Variants in TANC2 observed in about 807,000 individuals in gnomAD.
TANC2 encodes protein TANC2.
Under a neutral mutation model 210.5 loss-of-function variants are expected in TANC2, and 26 were observed. That is an observed-to-expected ratio of 0.12 (90% CI 0.09 to 0.17). TANC2 has a LOEUF of 0.17. Among genes scored for constraint, TANC2 ranks in the 10% least tolerant of loss-of-function variants. The pLI is 1.00. For missense variants in TANC2, 2,129 were observed against 2,608.9 expected, an observed-to-expected ratio of 0.82 and a Z score of 4.01; for synonymous variants, 931 against 967.1, an observed-to-expected ratio of 0.96 and a Z score of 0.69.
intron 9 of TANC2, among the ~76,000 whole-genome samples, chr17:63,277,538 A>C (rs1050799347): frequency 6.6e-6 from 1 of 151,994 alleles, no homozygotes; most frequent in African/African-American, 2.4e-5. Flanking sequence ...CATTGCCAGC[A>C]TCCTTGTTCA....
intron 1 of TANC2, among the ~76,000 whole-genome samples, chr17:63,000,940 GAAGT>G (rs1208482582): frequency 7.5e-6 from 1 of 132,672 alleles, no homozygotes. Context: ...TCTATATATT[GAAGT>G]AATTAAAAAA....
chr17:63,084,368 T>G (rs2036883205), intron 3 of TANC2, among the ~76,000 whole-genome samples: 1 of 151,904 alleles, frequency 6.6e-6, no homozygotes, highest in Non-Finnish European at 1.5e-5. Flanking sequence ...TGTCTCTTTC[T>G]CTCTCTCTCT....
At chr17:62,970,724 A>G (rs1472475300) in intron 1 of TANC2, among the ~76,000 whole-genome samples, 1 of 152,170 alleles carries the variant, frequency 6.6e-6, no homozygotes, top group Non-Finnish European at 1.5e-5. Context: ...TTAAAATGAG[A>G]TCTGAGACAC....
exon 19 of TANC2, chr17:63,398,828 C>G (rs1160961847): frequency 1.9e-6 from 3 of 1,582,114 alleles, no homozygotes; most frequent in South Asian, 2.3e-5. Context: ...CAGATTGTCT[C>G]CTACCTACTT....
intron 10 of TANC2, among the ~76,000 whole-genome samples, chr17:63,315,461 A>G (rs181482007): frequency 1.3e-5 from 2 of 152,184 alleles, no homozygotes; most frequent in African/African-American, 4.8e-5. Flanking sequence ...CCATTTTACT[A>G]TGCTGCCTCT....
intron 5 of TANC2, among the ~76,000 whole-genome samples, chr17:63,179,694 C>CT (rs2040712510): frequency 1.3e-5 from 2 of 152,200 alleles, no homozygotes; most frequent in East Asian, 3.9e-4. Context: ...TCCCTCTGCT[C>CT]TTTTTCCCTG....
chr17:62,977,764 A>T (rs1426646106), intron 1 of TANC2, among the ~76,000 whole-genome samples: 1 of 152,106 alleles, frequency 6.6e-6, no homozygotes, highest in Non-Finnish European at 1.5e-5. Context: ...CAATAAAGAA[A>T]AAGTTGATAT....
chr17:63,200,193 TA>T (rs1261478267), intron 6 of TANC2, among the ~76,000 whole-genome samples: 1 of 151,732 alleles, frequency 6.6e-6, no homozygotes, highest in Non-Finnish European at 1.5e-5. Context: ...CCATCTCTAC[TA>T]AAAATACAAA....
chr17:63,187,322 G>A (rs771752746), intron 5 of TANC2, among the ~76,000 whole-genome samples: 2 of 152,148 alleles, frequency 1.3e-5, no homozygotes, highest in Non-Finnish European at 2.9e-5. Context: ...TTCGTTATTT[G>A]TAAAGTATGG....
At chr17:63,155,392 A>G (rs1041102377) in intron 5 of TANC2, among the ~76,000 whole-genome samples, 5 of 152,220 alleles carry the variant, frequency 3.3e-5, no homozygotes, top group South Asian at 2.1e-4. Flanking sequence ...AATTTCTACA[A>G]TGAACTTCTG....
intron 9 of TANC2, among the ~76,000 whole-genome samples, chr17:63,306,690 C>A (rs965341046): frequency 6.6e-6 from 1 of 152,192 alleles, no homozygotes; most frequent in Non-Finnish European, 1.5e-5. Flanking sequence ...CATGGTGGCT[C>A]ACGCATGTAA....
At chr17:63,182,168 G>A (rs1358406230) in intron 5 of TANC2, 1 of 154,484 alleles carries the variant, frequency 6.5e-6, no homozygotes, top group African/African-American at 2.4e-5. Context: ...GTTGAAACTT[G>A]GTAGAATACT....
intron 1 of TANC2, among the ~76,000 whole-genome samples, chr17:62,988,215 C>T (rs1405770772): frequency 1.3e-5 from 2 of 151,962 alleles, no homozygotes; most frequent in African/African-American, 4.8e-5. Flanking sequence ...GCAACCTCTG[C>T]CTCCTAGGTT....
Position 63,124,715 on chromosome 17 carries a change from G to A in TANC2, c.322+25358G>A, listed in dbSNP as rs541394339. 5.3e-5 allele frequency among the ~76,000 whole-genome samples: 8 copies of A among 152,282 alleles called. No homozygotes were observed. In the South Asian group the frequency reaches 1.0e-3, roughly 20 times the overall value. On this transcript the variant is annotated intron_variant, in intron 4 of 27. Coordinates refer to ENST00000689528, the Ensembl canonical transcript of TANC2. The stretch of plus-strand genomic sequence containing the variant: ...GTCCGTGGCCTATTAGGAACTGGGC[G>A]GCACAGCAGGATGTGAGCCTGCAGG...
chr17:63,100,751 A>G (rs904174345), intron 4 of TANC2, among the ~76,000 whole-genome samples: 1 of 152,144 alleles, frequency 6.6e-6, no homozygotes, highest in African/African-American at 2.4e-5. Flanking sequence ...TTCCTATCCC[A>G]TTTGCCTATC....
chr17:63,167,884 C>CAAA (rs760465295), intron 5 of TANC2, among the ~76,000 whole-genome samples: 295 of 63,586 alleles, frequency 4.6e-3, no homozygotes, highest in South Asian at 5.4e-3. Flanking sequence ...GACTCTGTCT[C>CAAA]AAAAAAAAAA....
chr17:63,170,154 A>C (rs1332311845), intron 5 of TANC2, among the ~76,000 whole-genome samples: 1 of 122,614 alleles, frequency 8.2e-6, no homozygotes, highest in Non-Finnish European at 1.7e-5. Context: ...TTGGCGGGGC[A>C]TGGTGGCTCA....
At chr17:63,023,334 A>G (rs1308295246) in intron 2 of TANC2, among the ~76,000 whole-genome samples, 1 of 152,182 alleles carries the variant, frequency 6.6e-6, no homozygotes, top group Non-Finnish European at 1.5e-5. Context: ...GATGGCACAT[A>G]GAGCGAAAGA....
At chr17:63,043,709 T>C (rs1336823962) in intron 2 of TANC2, among the ~76,000 whole-genome samples, 3 of 152,150 alleles carry the variant, frequency 2.0e-5, no homozygotes, top group Non-Finnish European at 4.4e-5. Context: ...AAAACTTTTC[T>C]GCTACATCTT....
Sources: gnomAD v4.1 joint callset for allele counts (sites outside exome capture counted in the v4.1 genomes callset) on GRCh38, gnomAD v4.1.1 for gene constraint, MANE v1.5 for transcripts, NCBI Gene and HGNC (gene_info 2026-07-23, HGNC 2026-07-21) for gene names.